The following GSE1 variants were observed in gnomAD, a reference collection of about 807,000 sequenced individuals.
GSE1 encodes genetic suppressor element 1.
In GSE1, 32 loss-of-function variants were observed where a neutral mutation model predicts 112.6. The ratio of observed to expected loss-of-function variants is 0.28; its 90% confidence interval spans 0.21 to 0.38. The LOEUF (loss-of-function observed/expected upper bound fraction) is 0.38. Ranked by LOEUF, GSE1 falls within the 10% of genes least tolerant of loss-of-function variation. The pLI is 1.00. For missense variants in GSE1, 2,348 were observed against 1,699.2 expected (o/e 1.38, Z -6.71); for synonymous variants, 1,115 against 735.6 (o/e 1.52, Z -8.35).
intron 2 of GSE1, among the ~76,000 whole-genome samples, chr16:85,467,390 C>T (rs752885221): frequency 7.2e-5 from 11 of 152,322 alleles, no homozygotes; most frequent in Non-Finnish European, 1.2e-4. Flanking sequence ...AAGACATTGG[C>T]GTAAAACAAG....
intron 1 of GSE1, chr16:85,285,830 C>T (rs780788024): frequency 2.6e-5 from 4 of 152,346 alleles, no homozygotes; most frequent in Admixed American, 6.5e-5. Flanking sequence ...TAATCCAAAA[C>T]ACCTTCCGCC....
At chr16:85,616,329 C>G (rs945861561) in intron 1 of GSE1, among the ~76,000 whole-genome samples, 5 of 152,220 alleles carry the variant, frequency 3.3e-5, no homozygotes, top group Non-Finnish European at 7.3e-5. Context: ...TGGAAGAGTG[C>G]GGATAAGCTA....
At chr16:85,214,574 T>C (rs1431138477) in intron 1 of GSE1, among the ~76,000 whole-genome samples, 1 of 152,078 alleles carries the variant, frequency 6.6e-6, no homozygotes, top group Non-Finnish European at 1.5e-5. Flanking sequence ...CTAACCGAAC[T>C]GCACCGAGAA....
intron 1 of GSE1, among the ~76,000 whole-genome samples, chr16:85,309,995 G>C (rs1018115420): frequency 2.0e-5 from 3 of 152,210 alleles, no homozygotes; most frequent in African/African-American, 7.2e-5. Context: ...CACATGACCT[G>C]CCTGGGAACA....
chr16:85,577,515 T>A (rs2046276499), intron 1 of GSE1, among the ~76,000 whole-genome samples: 1 of 152,188 alleles, frequency 6.6e-6, no homozygotes, highest in Admixed American at 6.5e-5. Context: ...GAGCGCCTAC[T>A]CTATGCAGTA....
chr16:85,568,372 T>C (rs2045846677), intron 1 of GSE1, among the ~76,000 whole-genome samples: 2 of 152,180 alleles, frequency 1.3e-5, no homozygotes, highest in Non-Finnish European at 2.9e-5. Flanking sequence ...CTGAAAATAA[T>C]AGTGAGGGTT....
intron 2 of GSE1, among the ~76,000 whole-genome samples, chr16:85,469,962 C>T (rs997926089): frequency 6.6e-6 from 1 of 152,176 alleles, no homozygotes; most frequent in South Asian, 2.1e-4. Flanking sequence ...TGTGGTTCCC[C>T]GCAGTGGCAA....
intron 1 of GSE1, among the ~76,000 whole-genome samples, chr16:85,237,798 A>C (rs1336693788): frequency 4.0e-5 from 6 of 151,096 alleles, no homozygotes; most frequent in African/African-American, 1.5e-4. Flanking sequence ...AGATCGCGCC[A>C]CCGCACTCCA....
intron 1 of GSE1, among the ~76,000 whole-genome samples, chr16:85,218,736 G>A (rs536772672): frequency 7.2e-5 from 11 of 152,332 alleles, no homozygotes; most frequent in African/African-American, 2.2e-4. Flanking sequence ...TGCTCTGTGC[G>A]TCCAGCTGGT....
chr16:85,631,580 G>C (rs2049543524), intron 1 of GSE1, among the ~76,000 whole-genome samples: 1 of 152,042 alleles, frequency 6.6e-6, no homozygotes. Flanking sequence ...TGGACCCCCT[G>C]CCTGCTGGGA....
At chr16:85,575,493 T>G (rs2046193324) in intron 1 of GSE1, among the ~76,000 whole-genome samples, 1 of 152,096 alleles carries the variant, frequency 6.6e-6, no homozygotes, top group South Asian at 2.1e-4. Flanking sequence ...CCCTCTCGTC[T>G]CCCCTCTTTT....
chr16:85,538,472 C>G (rs573141526), intron 2 of GSE1, among the ~76,000 whole-genome samples: 1 of 152,188 alleles, frequency 6.6e-6, no homozygotes, highest in African/African-American at 2.4e-5. Context: ...TCCCCAGCAG[C>G]CTTTCACCTC....
chr16:85,613,787 C>T (rs985372851), intron 1 of GSE1, among the ~76,000 whole-genome samples: 2 of 124,538 alleles, frequency 1.6e-5, no homozygotes, highest in South Asian at 2.8e-4. Flanking sequence ...TGCGGCGACG[C>T]GGGAGGGAGC....
chr16:85,234,451 C>A (rs1904388330), intron 1 of GSE1, among the ~76,000 whole-genome samples: 1 of 152,194 alleles, frequency 6.6e-6, no homozygotes, highest in Non-Finnish European at 1.5e-5. Context: ...TGGATAGTGA[C>A]GTTTCCTGCC....
chr16:85,639,436 C>CA (rs773163822), intron 2 of GSE1, among the ~76,000 whole-genome samples: 2 of 152,254 alleles, frequency 1.3e-5, no homozygotes, highest in Non-Finnish European at 2.9e-5. Context: ...GGATGGGTCC[C>CA]AGCCCTGTGT....
chr16:85,605,069 G>A (rs1435282749), intron 1 of GSE1, among the ~76,000 whole-genome samples: 2 of 150,532 alleles, frequency 1.3e-5, no homozygotes, highest in South Asian at 2.1e-4. Context: ...CGTCCGCCTC[G>A]GCCTCCCAAA....
chr16:85,631,915 AG>A (rs2049569286), intron 1 of GSE1, among the ~76,000 whole-genome samples: 1 of 152,266 alleles, frequency 6.6e-6, no homozygotes, highest in African/African-American at 2.4e-5. Flanking sequence ...CACTGATGGC[AG>A]CCCGGTGCGG....
At chr16:85,612,573 C>T (rs755038783), upstream of GSE1, among the ~76,000 whole-genome samples, 2 of 151,880 alleles carry the variant, frequency 1.3e-5, no homozygotes, top group East Asian at 1.9e-4. Flanking sequence ...GAACACCCCC[C>T]GCAGCGGCCC....
At chr16:85,617,596 TCCCCCC>T (rs139892598) in intron 1 of GSE1, among the ~76,000 whole-genome samples, 5 of 36,428 alleles carry the variant, frequency 1.4e-4, no homozygotes, top group African/African-American at 4.7e-4. Context: ...GTGTCAACCC[TCCCCCC>T]CCCCCCCCCG....
Sources: allele counts gnomAD v4.1 joint callset (sites outside exome capture counted in the v4.1 genomes callset), GRCh38; gene constraint gnomAD v4.1.1; transcripts MANE v1.5; gene names NCBI Gene and HGNC (gene_info 2026-07-23, HGNC 2026-07-21).